CNTNAP5: variants seen among roughly 807,000 people sequenced by gnomAD.
The protein encoded by CNTNAP5 is contactin associated protein family member 5.
In CNTNAP5, 72 loss-of-function variants were observed where a neutral mutation model predicts 150.2. The observed-to-expected ratio is 0.48, with a 90% CI of 0.40 to 0.58. The LOEUF (loss-of-function observed/expected upper bound fraction) is 0.58. Among genes scored for constraint, CNTNAP5 ranks in the 20% least tolerant of loss-of-function variants. The probability of loss-of-function intolerance (pLI) is 0.00; values close to 1 mark genes in which losing one functional copy is unlikely to be tolerated. For missense variants in CNTNAP5, 1,636 were observed against 1,626.2 expected, an observed-to-expected ratio of 1.01 and a Z score of -0.10; for synonymous variants, 672 against 619.8, an observed-to-expected ratio of 1.08 and a Z score of -1.25.
chr2:124,851,864 C>T lies in CNTNAP5; in HGVS notation c.3218-13442C>T, dbSNP rs536394822. On this transcript the variant is annotated intron_variant, in intron 19 of 23. Transcript: ENST00000682447. ...TGTGCATGGTTTGTGTTTTCTTCCA[C>T]CAGATAAACCATTCAAAAGTAGGGT... Among the ~76,000 whole-genome samples, 4 of 152,238 alleles carry T rather than the reference C, an allele frequency of 2.6e-5. No individual in the cohort carries two copies. The East Asian group carries it at 7.7e-4, about 29-fold the overall frequency.
chr2:124,815,979 T>C (rs1288799264), intron 19 of CNTNAP5, among the ~76,000 whole-genome samples: 1 of 152,212 alleles, frequency 6.6e-6, no homozygotes, highest in Non-Finnish European at 1.5e-5. Context: ...ACTAATGTTC[T>C]TCAAGATCTG....
chr2:124,180,313 C>T (rs147379048), intron 1 of CNTNAP5, among the ~76,000 whole-genome samples: 8 of 152,104 alleles, frequency 5.3e-5, no homozygotes, highest in African/African-American at 7.2e-5. Flanking sequence ...TTTCTGGAAG[C>T]GCTTGGTGGA....
chr2:124,482,671 T>A (rs943133141), intron 7 of CNTNAP5, among the ~76,000 whole-genome samples: 6 of 152,066 alleles, frequency 3.9e-5, no homozygotes, highest in Non-Finnish European at 8.8e-5. Flanking sequence ...GAGGGCGGAA[T>A]CCTTGTCTTT....
chr2:124,381,539 C>T (rs536374717), intron 3 of CNTNAP5, among the ~76,000 whole-genome samples: 2 of 152,044 alleles, frequency 1.3e-5, no homozygotes, highest in African/African-American at 4.8e-5. Flanking sequence ...ATCACCCCCC[C>T]CTCCAAGACT....
intron 1 of CNTNAP5, among the ~76,000 whole-genome samples, chr2:124,139,623 CG>C (rs1243908571): frequency 6.6e-6 from 1 of 152,180 alleles, no homozygotes. Flanking sequence ...CTCCAGAGAC[CG>C]GCGAAGGAGA....
chr2:124,889,289 G>A (rs1408222089), intron 21 of CNTNAP5, among the ~76,000 whole-genome samples: 2 of 151,422 alleles, frequency 1.3e-5, no homozygotes, highest in East Asian at 2.0e-4. Context: ...TAGTAGAGAC[G>A]GGGTTTCACC....
intron 3 of CNTNAP5, among the ~76,000 whole-genome samples, chr2:124,344,702 G>A (rs1307563829): frequency 6.6e-6 from 1 of 152,182 alleles, no homozygotes. Context: ...GTTACAGTGA[G>A]CCATGATAGC....
chr2:124,620,291 C>T (rs1290265276), intron 12 of CNTNAP5, among the ~76,000 whole-genome samples: 2 of 152,018 alleles, frequency 1.3e-5, no homozygotes, highest in Non-Finnish European at 1.5e-5. Flanking sequence ...GACTCAAGCC[C>T]TGTTCCATTA....
At chr2:124,872,862 A>G (rs547304968) in intron 21 of CNTNAP5, among the ~76,000 whole-genome samples, 2 of 152,084 alleles carry the variant, frequency 1.3e-5, no homozygotes, top group East Asian at 3.9e-4. Context: ...GACCCTTCAC[A>G]CTTTTAGCTA....
At chr2:124,715,330 T>C (rs1679920502) in intron 13 of CNTNAP5, among the ~76,000 whole-genome samples, 1 of 152,180 alleles carries the variant, frequency 6.6e-6, no homozygotes, top group African/African-American at 2.4e-5. Context: ...AGAGTCAAAA[T>C]AGCAACATCT....
intron 13 of CNTNAP5, among the ~76,000 whole-genome samples, chr2:124,660,883 G>T (rs1334817055): frequency 6.7e-6 from 1 of 149,876 alleles, no homozygotes; most frequent in African/African-American, 2.5e-5. Flanking sequence ...GGCAGAGGTT[G>T]CAGTGAGCCA....
At chr2:124,482,012 CA>C (rs1693771330) in intron 7 of CNTNAP5, among the ~76,000 whole-genome samples, 1 of 152,188 alleles carries the variant, frequency 6.6e-6, no homozygotes, top group Non-Finnish European at 1.5e-5. Flanking sequence ...TGATACTTTT[CA>C]AGTCATTTCA....
intron 8 of CNTNAP5, among the ~76,000 whole-genome samples, chr2:124,515,103 G>C (rs1453909293): frequency 6.6e-6 from 1 of 152,194 alleles, no homozygotes; most frequent in Non-Finnish European, 1.5e-5. Flanking sequence ...CAGGATCCAG[G>C]TTACCTTGAA....
chr2:124,865,240 C>A, intron 19 of CNTNAP5, 66 bp from the exon 20 acceptor site: 1 of 1,278,338 alleles, frequency 7.8e-7, no homozygotes, highest in South Asian at 1.5e-5. Context: ...AAAAGATAAT[C>A]TGATCATGTC....
intron 12 of CNTNAP5, among the ~76,000 whole-genome samples, chr2:124,625,671 T>C (rs1202591556): frequency 6.6e-6 from 1 of 152,162 alleles, no homozygotes. Context: ...TCCTGACTCC[T>C]TCCGGATGGG....
chr2:124,605,197 C>A (rs922790817), intron 11 of CNTNAP5, among the ~76,000 whole-genome samples: 3 of 152,234 alleles, frequency 2.0e-5, no homozygotes, highest in African/African-American at 7.2e-5. Flanking sequence ...ACTGCAGATG[C>A]ATGAACTGCC....
At chr2:124,558,035 A>G (rs1695800319) in intron 10 of CNTNAP5, among the ~76,000 whole-genome samples, 1 of 152,174 alleles carries the variant, frequency 6.6e-6, no homozygotes, top group South Asian at 2.1e-4. Flanking sequence ...TTTACCCTAG[A>G]TAAAATAGGG....
intron 3 of CNTNAP5, among the ~76,000 whole-genome samples, chr2:124,255,243 G>A (rs1452251461): frequency 2.0e-5 from 3 of 151,982 alleles, no homozygotes; most frequent in Admixed American, 6.6e-5. Context: ...AAAATATTTA[G>A]GCTGGGCACA....
At chr2:124,853,381 C>T (rs1259269026) in intron 19 of CNTNAP5, among the ~76,000 whole-genome samples, 1 of 152,142 alleles carries the variant, frequency 6.6e-6, no homozygotes, top group Non-Finnish European at 1.5e-5. Context: ...TGGTCTCTTT[C>T]TTTAACATTT....
Sources: gnomAD v4.1 joint callset for allele counts (sites outside exome capture counted in the v4.1 genomes callset) on GRCh38, gnomAD v4.1.1 for gene constraint, MANE v1.5 for transcripts, NCBI Gene and HGNC (gene_info 2026-07-23, HGNC 2026-07-21) for gene names.